Variants in KCNQ3 observed in about 807,000 individuals in gnomAD.
KCNQ3 encodes the protein potassium voltage-gated channel subfamily KQT member 3.
Under a neutral mutation model 92.5 loss-of-function variants are expected in KCNQ3, and 30 were observed. That is an observed-to-expected ratio of 0.32 (90% CI 0.24 to 0.44). The LOEUF is 0.44. Ranked by LOEUF, KCNQ3 falls within the 20% of genes least tolerant of loss-of-function variation. The pLI is 1.00. For synonymous variants in KCNQ3, 450 were observed against 468.8 expected, an observed-to-expected ratio of 0.96 and a Z score of 0.52; for missense variants, 913 against 1,140.3, an observed-to-expected ratio of 0.80 and a Z score of 2.87.
intron 1 of KCNQ3, among the ~76,000 whole-genome samples, chr8:132,260,830 C>T (rs751056744): frequency 2.6e-5 from 4 of 151,962 alleles, no homozygotes; most frequent in Non-Finnish European, 4.4e-5. Flanking sequence ...TCCAAACTTC[C>T]ATCCAACCAT....
intron 1 of KCNQ3, among the ~76,000 whole-genome samples, chr8:132,454,509 G>A (rs1319548469): frequency 6.6e-6 from 1 of 152,014 alleles, no homozygotes; most frequent in Non-Finnish European, 1.5e-5. Context: ...TCTCTATAAG[G>A]AAGGAAATCT....
At chr8:132,333,715 T>C (rs1009216052) in intron 1 of KCNQ3, among the ~76,000 whole-genome samples, 1 of 150,758 alleles carries the variant, frequency 6.6e-6, no homozygotes, top group Non-Finnish European at 1.5e-5. Context: ...CCTATGTTAC[T>C]GTGAACTCTT....
At chr8:132,202,068 T>G (rs1391714976) in intron 1 of KCNQ3, among the ~76,000 whole-genome samples, 1 of 152,130 alleles carries the variant, frequency 6.6e-6, no homozygotes, top group Admixed American at 6.5e-5. Flanking sequence ...GAGCAGTGGG[T>G]TGAGCCACAA....
chr8:132,382,852 C>A (rs1819790322), intron 1 of KCNQ3, among the ~76,000 whole-genome samples: 1 of 152,136 alleles, frequency 6.6e-6, no homozygotes, highest in African/African-American at 2.4e-5. Flanking sequence ...CCTGGTTCTG[C>A]CACTTCTCAG....
chr8:132,169,357 A>G (rs1389441843), intron 8 of KCNQ3, among the ~76,000 whole-genome samples: 1 of 152,234 alleles, frequency 6.6e-6, no homozygotes, highest in Non-Finnish European at 1.5e-5. Flanking sequence ...TGGGGAATAA[A>G]TGAAATAATG....
intron 1 of KCNQ3, among the ~76,000 whole-genome samples, chr8:132,390,530 C>T (rs1820023697): frequency 6.6e-6 from 1 of 152,190 alleles, no homozygotes; most frequent in South Asian, 2.1e-4. Flanking sequence ...AAATCAGGAT[C>T]TTTGAGAGCA....
At chr8:132,287,938 TA>T (rs933918041) in intron 1 of KCNQ3, among the ~76,000 whole-genome samples, 5 of 152,140 alleles carry the variant, frequency 3.3e-5, no homozygotes, top group African/African-American at 1.2e-4. Context: ...TTTATGTTAT[TA>T]AAAAAACCCT....
chr8:132,362,776 T>G (rs934245433), intron 1 of KCNQ3, among the ~76,000 whole-genome samples: 11 of 152,116 alleles, frequency 7.2e-5, no homozygotes, highest in African/African-American at 2.7e-4. Context: ...ATGTGGTCTT[T>G]AGAGGCAAGG....
Position 132,207,712 on chromosome 8 carries a change from T to A in KCNQ3, c.387-21531A>T, listed in dbSNP as rs796932048. The stretch of plus-strand genomic sequence containing the variant: ...AGGTGTAAACATCTCAGACTTTTTT[T>A]TTTTTATCCCATTAGCACCTTTCTA... On this transcript the variant is annotated intron_variant, in intron 1 of 14. Coordinates refer to ENST00000388996, the MANE Select transcript of KCNQ3 (RefSeq NM_004519.4). Among the ~76,000 whole-genome samples, 6 of 152,274 alleles carry A rather than the reference T, an allele frequency of 3.9e-5. 1 individual carries two copies. Among genetic ancestry groups the A allele is most frequent in the African/African-American group, 1.4e-4 (6 of 41,556 alleles).
At chr8:132,130,378 G>T (rs935495179) in intron 14 of KCNQ3, among the ~76,000 whole-genome samples, 4 of 152,174 alleles carry the variant, frequency 2.6e-5, no homozygotes, top group Non-Finnish European at 5.9e-5. Flanking sequence ...CGCCTGACCG[G>T]AAGGAAATAT....
At chr8:132,364,736 G>A (rs1819269786) in intron 1 of KCNQ3, among the ~76,000 whole-genome samples, 1 of 148,730 alleles carries the variant, frequency 6.7e-6, no homozygotes, top group Admixed American at 6.6e-5. Context: ...GAATGGATGG[G>A]TGGCTGGTTG....
chr8:132,335,041 TTTC>T (rs1353175877), intron 1 of KCNQ3, among the ~76,000 whole-genome samples: 1 of 151,616 alleles, frequency 6.6e-6, no homozygotes, highest in Non-Finnish European at 1.5e-5. Flanking sequence ...TTTCTTTTCT[TTTC>T]TTTTTTCTTC....
chr8:132,419,970 C>A (rs952068850), intron 1 of KCNQ3, among the ~76,000 whole-genome samples: 8 of 152,170 alleles, frequency 5.3e-5, no homozygotes, highest in Non-Finnish European at 8.8e-5. Flanking sequence ...GCTGTTATAA[C>A]AAAGTACCAG....
At chr8:132,282,367 C>A (rs1232687030) in intron 1 of KCNQ3, among the ~76,000 whole-genome samples, 1 of 152,174 alleles carries the variant, frequency 6.6e-6, no homozygotes, top group Non-Finnish European at 1.5e-5. Flanking sequence ...CCTTCCTTTG[C>A]TCGGCTAAAG....
rs188172725 is a variant in KCNQ3 at position 132,350,221 on chromosome 8, C to A, written c.386+129926G>T. 3.1e-3 allele frequency among the ~76,000 whole-genome samples: 471 copies of A among 152,266 alleles called. 1 individual carries two copies. The highest frequency in any genetic ancestry group is 9.3e-3 in the South Asian group (45 of 4,818). ...ATATCTGCACAGGTTGACACACAGA[C>A]CCAATCACCCCATTGCAAACAAGTT... On this transcript the variant is annotated intron_variant, in intron 1 of 14. Coordinates refer to ENST00000388996, the MANE Select transcript of KCNQ3 (RefSeq NM_004519.4).
In KCNQ3 at chr8:132,123,518, A is replaced by G. The variant is rs1430001866; in HGVS notation, c.*5744T>C. On this transcript the variant is annotated 3_prime_UTR_variant, in exon 15 of 15. Coordinates refer to ENST00000388996, the MANE Select transcript of KCNQ3 (RefSeq NM_004519.4). Reference sequence around the variant, plus strand: ...GTATGTCCGGTTTAACAGTTTCTCAAGTGGGCCAGGAAGTTCTTTTTCATG... The same window carrying G: ...GTATGTCCGGTTTAACAGTTTCTCAGGTGGGCCAGGAAGTTCTTTTTCATG... 1.3e-5 allele frequency: 2 copies of G among 152,206 alleles called. No homozygotes were observed. Among genetic ancestry groups the G allele is most frequent in the Non-Finnish European group, 2.9e-5 (2 of 68,048 alleles). The allele number at this position is 152,206 out of a possible 1,614,324, so 9.4% of individuals were successfully genotyped here. A position where few individuals can be genotyped will look rare whatever the true frequency, so the allele number is the denominator to read the frequency against.
intron 8 of KCNQ3, among the ~76,000 whole-genome samples, chr8:132,166,335 C>T (rs1196371802): frequency 6.6e-6 from 1 of 152,174 alleles, no homozygotes; most frequent in Non-Finnish European, 1.5e-5. Context: ...AAACAATGCA[C>T]ATGCTCTGTT....
chr8:132,349,394 T>C (rs1818791600), intron 1 of KCNQ3, among the ~76,000 whole-genome samples: 1 of 152,192 alleles, frequency 6.6e-6, no homozygotes, highest in Non-Finnish European at 1.5e-5. Context: ...GCATTTTTCC[T>C]TACTTTACAG....
At chr8:132,406,501 G>A (rs888904726) in intron 1 of KCNQ3, among the ~76,000 whole-genome samples, 2 of 151,762 alleles carry the variant, frequency 1.3e-5, no homozygotes, top group Non-Finnish European at 2.9e-5. Context: ...CCATTCCTGA[G>A]CCCCACTCAC....
Sources: allele counts gnomAD v4.1 joint callset (sites outside exome capture counted in the v4.1 genomes callset), GRCh38; gene constraint gnomAD v4.1.1; transcripts MANE v1.5; gene names NCBI Gene and HGNC (gene_info 2026-07-23, HGNC 2026-07-21).